The following CPB1 variants were observed in gnomAD, a reference collection of about 807,000 sequenced individuals.
The protein encoded by CPB1 is carboxypeptidase B1.
In CPB1, 53 loss-of-function variants were observed where a neutral mutation model predicts 51.4. The observed-to-expected ratio is 1.03, with a 90% CI of 0.83 to 1.30. CPB1 has a LOEUF of 1.30. CPB1 is among the 50% of genes most tolerant of loss of function. CPB1 has a pLI of 0.00. For missense variants in CPB1, 494 were observed against 516.2 expected, an observed-to-expected ratio of 0.96 and a Z score of 0.42; for synonymous variants, 189 against 186.9, an observed-to-expected ratio of 1.01 and a Z score of -0.09.
At chr3:148,851,631 T>G (rs530227289) in intron 9 of CPB1, 1 of 152,230 alleles carries the variant, frequency 6.6e-6, no homozygotes, top group Non-Finnish European at 1.5e-5. Context: ...GGGGATGCAA[T>G]TTGTTCTGAG....
intron 8 of CPB1, 84 bp from the exon 9 acceptor site, chr3:148,845,340 C>A: frequency 8.1e-7 from 1 of 1,235,736 alleles, no homozygotes; most frequent in Non-Finnish European, 1.2e-6. Flanking sequence ...CCTATGAAAA[C>A]AACTCCCTAA....
At chr3:148,839,814 G>A (rs1213630262) in intron 3 of CPB1, among the ~76,000 whole-genome samples, 1 of 152,126 alleles carries the variant, frequency 6.6e-6, no homozygotes, top group Non-Finnish European at 1.5e-5. Context: ...AGAAATTTCT[G>A]CAAAGTGGCC....
intron 2 of CPB1, among the ~76,000 whole-genome samples, chr3:148,832,434 C>T (rs903146432): frequency 6.6e-6 from 1 of 151,852 alleles, no homozygotes; most frequent in Non-Finnish European, 1.5e-5. Context: ...TTAATACAGG[C>T]TCTTCCAAAG....
intron 3 of CPB1, among the ~76,000 whole-genome samples, chr3:148,835,702 C>T (rs868448440): frequency 3.9e-5 from 6 of 152,196 alleles, no homozygotes; most frequent in Non-Finnish European, 8.8e-5. Context: ...CGGTCCTGAA[C>T]ATTCAAATGT....
At chr3:148,859,197 G>C (rs1254279668) in intron 10 of CPB1, among the ~76,000 whole-genome samples, 1 of 152,178 alleles carries the variant, frequency 6.6e-6, no homozygotes, top group African/African-American at 2.4e-5. Flanking sequence ...TGAGCCCATA[G>C]CCTGCTGTTC....
intron 6 of CPB1, among the ~76,000 whole-genome samples, chr3:148,842,774 G>A (rs56373130): frequency 0.054 from 8,151 of 152,048 alleles, 333 homozygotes; most frequent in Middle Eastern, 0.082. Context: ...GGAAAACTTA[G>A]AGTGGATAAA....
intron 2 of CPB1, among the ~76,000 whole-genome samples, chr3:148,828,787 TAC>T (rs374833604): frequency 4.0e-5 from 6 of 151,884 alleles, no homozygotes; most frequent in African/African-American, 1.2e-4. Context: ...TGCTAGCTTA[TAC>T]ACACACACAC....
intron 3 of CPB1, among the ~76,000 whole-genome samples, chr3:148,835,021 G>T (rs1712858574): frequency 1.3e-5 from 2 of 152,106 alleles, no homozygotes; most frequent in Admixed American, 1.3e-4. Context: ...AGGGCTATTT[G>T]TGCTTTTTTT....
At position 148,846,797 on chromosome 3, in the gene CPB1, GTATATATATATATATA is replaced by G. The variant is rs368201293; in HGVS notation, c.981+1201_981+1216del. On this transcript the variant is annotated intron_variant, in intron 9 of 10. Transcript: ENST00000282957. ...CACATATATATGTGTGTGTGCGTGT[GTATATATATATATATA>G]TATATATATATATATATATATATAT... Among the ~76,000 whole-genome samples the G allele has an allele frequency of 3.9e-3, 196 of 50,538 alleles. 15 individuals are homozygous for G. The highest frequency in any genetic ancestry group is 0.015 in the East Asian group (19 of 1,272). The allele number at this position is 50,538 out of a possible 152,430, so 33.2% of individuals were successfully genotyped here.
At chr3:148,859,103 T>A (rs1417469730) in intron 10 of CPB1, among the ~76,000 whole-genome samples, 1 of 152,216 alleles carries the variant, frequency 6.6e-6, no homozygotes, top group Non-Finnish European at 1.5e-5. Flanking sequence ...TTTATTCAGT[T>A]CAACTAGGCT....
intron 6 of CPB1, 89 bp downstream of exon 6, chr3:148,842,013 GA>G: frequency 2.0e-6 from 2 of 1,017,370 alleles, no homozygotes; most frequent in Non-Finnish European, 2.9e-6. Flanking sequence ...TAATAACACA[GA>G]AAAAAATACA....
At chr3:148,849,941 C>A (rs1201549305) in intron 9 of CPB1, among the ~76,000 whole-genome samples, 2 of 152,204 alleles carry the variant, frequency 1.3e-5, no homozygotes, top group African/African-American at 2.4e-5. Context: ...TGGCCACATG[C>A]TATGGTGGTA....
intron 6 of CPB1, among the ~76,000 whole-genome samples, chr3:148,844,057 C>A (rs1713161720): frequency 6.6e-6 from 1 of 152,146 alleles, no homozygotes; most frequent in Admixed American, 6.5e-5. Flanking sequence ...TTATTAGGAA[C>A]ATGCACAGCT....
At chr3:148,835,456 T>C (rs1712877713) in intron 3 of CPB1, among the ~76,000 whole-genome samples, 1 of 152,106 alleles carries the variant, frequency 6.6e-6, no homozygotes, top group Admixed American at 6.6e-5. Flanking sequence ...TCCTAGGAAA[T>C]GATTCTTCAG....
chr3:148,842,387 A>T (rs1322262878), intron 6 of CPB1, among the ~76,000 whole-genome samples: 1 of 152,186 alleles, frequency 6.6e-6, no homozygotes, highest in Non-Finnish European at 1.5e-5. Context: ...TGTACACTTC[A>T]GATTAAAAGA....
At chr3:148,858,765 G>A (rs1276734002) in intron 10 of CPB1, among the ~76,000 whole-genome samples, 1 of 152,070 alleles carries the variant, frequency 6.6e-6, no homozygotes, top group Non-Finnish European at 1.5e-5. Flanking sequence ...GATTTATCTG[G>A]AAGGCACATT....
At chr3:148,854,226 G>A (rs536193495) in intron 9 of CPB1, 2 of 152,320 alleles carry the variant, frequency 1.3e-5, no homozygotes, top group African/African-American at 4.8e-5. Flanking sequence ...GCCCCAGGTG[G>A]AATTCCATTC....
At chr3:148,838,942 A>G (rs1385943335) in intron 3 of CPB1, among the ~76,000 whole-genome samples, 1 of 152,246 alleles carries the variant, frequency 6.6e-6, no homozygotes, top group African/African-American at 2.4e-5. Context: ...GCTGACTAAA[A>G]TCATTGTTCC....
intron 9 of CPB1, chr3:148,855,460 T>A (rs1244189603): frequency 3.2e-4 from 49 of 152,206 alleles, no homozygotes; most frequent in Admixed American, 3.2e-3. Context: ...CTAAACATTT[T>A]TCTGTGGCCT....
Sources: gnomAD v4.1 joint callset for allele counts (sites outside exome capture counted in the v4.1 genomes callset) on GRCh38, gnomAD v4.1.1 for gene constraint, MANE v1.5 for transcripts, NCBI Gene and HGNC (gene_info 2026-07-23, HGNC 2026-07-21) for gene names.